Variants in OSBPL10 observed in about 807,000 individuals in gnomAD.
The protein encoded by OSBPL10 is oxysterol-binding protein-related protein 10.
OSBPL10 carries 49 observed loss-of-function variants against 81.7 expected under a neutral mutation model. That is an observed-to-expected ratio of 0.60 (90% CI 0.48 to 0.76). OSBPL10 has a LOEUF of 0.76. Ranked by LOEUF, OSBPL10 falls within the 30% of genes least tolerant of loss-of-function variation. The pLI, the probability that OSBPL10 is intolerant of heterozygous loss-of-function variation, is 0.00. For synonymous variants in OSBPL10, 419 were observed against 383.6 expected, an observed-to-expected ratio of 1.09 and a Z score of -1.08; for missense variants, 923 against 987.8, an observed-to-expected ratio of 0.93 and a Z score of 0.88.
rs527830580 is a variant in OSBPL10, at chr3:31,855,568, A to G, written c.537+20865T>C. Among the ~76,000 whole-genome samples, 3 of 152,326 alleles carry G rather than the reference A, an allele frequency of 2.0e-5. No homozygotes were observed. In the South Asian group the frequency reaches 6.2e-4, roughly 32 times the overall value. Reference sequence around the variant, plus strand: ...CCTCACACAAGTACAAGCTACACGTAGTCACTTTCCAGGGTCCAGTACTAT... The same window carrying G: ...CCTCACACAAGTACAAGCTACACGTGGTCACTTTCCAGGGTCCAGTACTAT... On this transcript the variant is annotated intron_variant, in intron 3 of 11. Transcript: ENST00000396556.
chr3:31,671,654 CTG>C (rs1217694516), intron 8 of OSBPL10, among the ~76,000 whole-genome samples: 2 of 152,214 alleles, frequency 1.3e-5, no homozygotes, highest in Non-Finnish European at 2.9e-5. Flanking sequence ...GAGTGGGACT[CTG>C]TAACACTTAC....
At chr3:31,927,580 T>C (rs1259829328) in intron 1 of OSBPL10, among the ~76,000 whole-genome samples, 2 of 150,044 alleles carry the variant, frequency 1.3e-5, no homozygotes, top group Non-Finnish European at 2.9e-5. Flanking sequence ...TGTACTATAC[T>C]GATATAAAAG....
At chr3:31,909,872 A>G (rs891944819) in intron 1 of OSBPL10, among the ~76,000 whole-genome samples, 2 of 152,052 alleles carry the variant, frequency 1.3e-5, no homozygotes, top group African/African-American at 4.8e-5. Context: ...TGTTAAACAC[A>G]TACACATTTA....
At chr3:31,981,380 C>T, upstream of OSBPL10, 1 of 901,508 alleles carries the variant, frequency 1.1e-6, no homozygotes, top group African/African-American at 1.7e-5. The surrounding 1 kb of genome is among the most constrained non-coding windows in gnomAD (Gnocchi z 4.5). Flanking sequence ...GATGCAGCTG[C>T]GGCCGCCCCT....
At chr3:31,986,817 C>A (rs1222452709) in intron 2 of OSBPL10, among the ~76,000 whole-genome samples, 1 of 151,972 alleles carries the variant, frequency 6.6e-6, no homozygotes. Flanking sequence ...CCAGCCTGGG[C>A]AACCTGGAGA....
At chr3:31,908,798 G>C (rs1696493621) in intron 1 of OSBPL10, among the ~76,000 whole-genome samples, 2 of 152,196 alleles carry the variant, frequency 1.3e-5, no homozygotes, top group African/African-American at 2.4e-5. Context: ...ATCTCCTACA[G>C]ATGATGGCAG....
At chr3:31,847,551 A>C (rs1700664171) in intron 3 of OSBPL10, among the ~76,000 whole-genome samples, 2 of 152,056 alleles carry the variant, frequency 1.3e-5, no homozygotes. Context: ...TCCTTTCCTT[A>C]AACTATTCAC....
intron 4 of OSBPL10, among the ~76,000 whole-genome samples, chr3:31,807,277 G>C (rs531164059): frequency 6.6e-6 from 1 of 152,058 alleles, no homozygotes; most frequent in African/African-American, 2.4e-5. Flanking sequence ...CTAGTCGGGA[G>C]GCTGGGAATT....
intron 8 of OSBPL10, among the ~76,000 whole-genome samples, chr3:31,677,819 C>G (rs1055955382): frequency 7.3e-5 from 11 of 149,904 alleles, no homozygotes; most frequent in African/African-American, 2.3e-4. Context: ...CGGTGGCTCA[C>G]GCCTGTAATC....
chr3:31,940,531 T>A (rs879929904), intron 1 of OSBPL10, among the ~76,000 whole-genome samples: 5 of 152,224 alleles, frequency 3.3e-5, no homozygotes, highest in Non-Finnish European at 7.3e-5. Flanking sequence ...TTCCCTTTTT[T>A]AAGTATTTTC....
At chr3:31,804,560 G>A (rs753794390) in intron 4 of OSBPL10, among the ~76,000 whole-genome samples, 3 of 152,124 alleles carry the variant, frequency 2.0e-5, no homozygotes, top group Non-Finnish European at 4.4e-5. Flanking sequence ...AATATCTGAA[G>A]CCCTTCATTT....
intron 2 of OSBPL10, among the ~76,000 whole-genome samples, chr3:31,993,463 C>T (rs1353678546): frequency 1.3e-5 from 2 of 152,266 alleles, no homozygotes; most frequent in African/African-American, 4.8e-5. Flanking sequence ...CCGCCTCGGC[C>T]TCCCAAAGTG....
chr3:31,765,023 CT>C (rs368473631), intron 4 of OSBPL10, among the ~76,000 whole-genome samples: 1 of 150,912 alleles, frequency 6.6e-6, no homozygotes, highest in African/African-American at 2.4e-5. Context: ...TACTTTTTTT[CT>C]TTTTTTTTCT....
intron 3 of OSBPL10, among the ~76,000 whole-genome samples, chr3:31,856,067 A>T (rs1299847277): frequency 8.0e-6 from 1 of 124,254 alleles, no homozygotes; most frequent in African/African-American, 3.0e-5. Flanking sequence ...TTATGTTTAT[A>T]TTACACACAC....
chr3:32,067,845 C>G (rs993389828), intron 1 of OSBPL10, among the ~76,000 whole-genome samples: 8 of 152,286 alleles, frequency 5.3e-5, no homozygotes. Context: ...TCAGACTCAG[C>G]CTGCCTGCAC....
intron 6 of OSBPL10, among the ~76,000 whole-genome samples, chr3:31,724,014 G>A (rs181165350): frequency 5.4e-4 from 83 of 152,300 alleles, no homozygotes; most frequent in African/African-American, 1.9e-3. Context: ...CATGTTTAGA[G>A]GGTGAGACTA....
chr3:31,918,513 GA>G (rs35170966), intron 1 of OSBPL10, among the ~76,000 whole-genome samples: 55,080 of 151,862 alleles, frequency 0.36, 11,823 homozygotes, highest in Non-Finnish European at 0.5. Flanking sequence ...GTTTGGAATG[GA>G]AAATCACCTC....
At chr3:31,667,984 G>T (rs138294168) in intron 10 of OSBPL10, among the ~76,000 whole-genome samples, 2 of 152,166 alleles carry the variant, frequency 1.3e-5, no homozygotes, top group Non-Finnish European at 2.9e-5. Context: ...TGGATACTTC[G>T]TAATTTACTT....
intron 8 of OSBPL10, among the ~76,000 whole-genome samples, chr3:31,677,140 A>C (rs1700500072): frequency 6.6e-6 from 1 of 152,186 alleles, no homozygotes; most frequent in African/African-American, 2.4e-5. Flanking sequence ...CCCAATCAAC[A>C]AATTCATAGA....
Sources: allele counts gnomAD v4.1 joint callset (sites outside exome capture counted in the v4.1 genomes callset), GRCh38; gene constraint gnomAD v4.1.1; non-coding constraint Gnocchi (gnomAD v3.1); transcripts MANE v1.5; gene names NCBI Gene and HGNC (gene_info 2026-07-23, HGNC 2026-07-21).